The following NTRK2 variants were observed in gnomAD, a reference collection of about 807,000 sequenced individuals.
NTRK2 encodes BDNF/NT-3 growth factors receptor.
A neutral mutation model predicts 94.5 loss-of-function variants in NTRK2; 13 were observed. That is an observed-to-expected ratio of 0.14 (90% CI 0.09 to 0.22). The LOEUF is 0.22. NTRK2 is among the 10% of genes least tolerant of loss of function. The pLI is 1.00. For missense variants in NTRK2, 639 were observed against 1,071.2 expected, an observed-to-expected ratio of 0.60 and a Z score of 5.63; for synonymous variants, 372 against 407.4, an observed-to-expected ratio of 0.91 and a Z score of 1.05.
At chr9:84,800,475 A>G (rs2070286292) in intron 12 of NTRK2, among the ~76,000 whole-genome samples, 1 of 152,232 alleles carries the variant, frequency 6.6e-6, no homozygotes. Context: ...TGCTGGGATT[A>G]CAGATGTGGG....
At chr9:84,909,305 T>C (rs1473465555) in intron 14 of NTRK2, among the ~76,000 whole-genome samples, 1 of 152,182 alleles carries the variant, frequency 6.6e-6, no homozygotes, top group Non-Finnish European at 1.5e-5. Flanking sequence ...GTATCACAGT[T>C]TGTTTAACCA....
intron 9 of NTRK2, among the ~76,000 whole-genome samples, chr9:84,738,805 C>T (rs1051848304): frequency 6.6e-6 from 1 of 152,138 alleles, no homozygotes; most frequent in Non-Finnish European, 1.5e-5. Flanking sequence ...TGTTATAGTT[C>T]GTCTCACATT....
At chr9:84,920,660 C>G (rs2077536966) in intron 14 of NTRK2, among the ~76,000 whole-genome samples, 1 of 152,180 alleles carries the variant, frequency 6.6e-6, no homozygotes, top group African/African-American at 2.4e-5. Context: ...AAGCCATGCC[C>G]CCATCTCCCT....
At chr9:84,926,105 C>A (rs532192972) in intron 14 of NTRK2, among the ~76,000 whole-genome samples, 1 of 130,012 alleles carries the variant, frequency 7.7e-6, no homozygotes, top group Admixed American at 7.7e-5. Flanking sequence ...TCCTTCCTTC[C>A]TTTCCTTCCT....
chr9:84,734,457 ACT>A (rs2063111658), intron 9 of NTRK2, among the ~76,000 whole-genome samples: 1 of 151,924 alleles, frequency 6.6e-6, no homozygotes, highest in African/African-American at 2.4e-5. Context: ...GGATCTTGAG[ACT>A]CTATCATTTT....
At chr9:84,835,110 A>G (rs1001897775) in intron 12 of NTRK2, among the ~76,000 whole-genome samples, 1 of 152,188 alleles carries the variant, frequency 6.6e-6, no homozygotes, top group African/African-American at 2.4e-5. Context: ...GCCTGCCTTA[A>G]CAAAGACTTC....
intron 17 of NTRK2, among the ~76,000 whole-genome samples, chr9:84,992,115 G>A (rs1385805369): frequency 6.6e-6 from 1 of 152,092 alleles, no homozygotes; most frequent in Non-Finnish European, 1.5e-5. Context: ...TCTAGTTGGT[G>A]GATGGTTGTT....
At chr9:84,813,782 C>G (rs998328571) in intron 12 of NTRK2, 1 of 1,066,050 alleles carries the variant, frequency 9.4e-7, no homozygotes, top group East Asian at 5.0e-5. Flanking sequence ...GCTCATGTCT[C>G]TTGGCCCAGT....
At chr9:84,733,628 G>C (rs974830174) in intron 9 of NTRK2, among the ~76,000 whole-genome samples, 1 of 152,150 alleles carries the variant, frequency 6.6e-6, no homozygotes, top group Admixed American at 6.5e-5. Flanking sequence ...TATAAAAGGT[G>C]GAGAAACACT....
chr9:84,991,511 A>G (rs771962299), intron 17 of NTRK2, among the ~76,000 whole-genome samples: 2 of 152,062 alleles, frequency 1.3e-5, no homozygotes, highest in East Asian at 1.9e-4. Context: ...GAAGCTCTCC[A>G]TCTCCAACCA....
chr9:84,682,394 T>C, intron 2 of NTRK2, among the ~76,000 whole-genome samples: 1 of 152,212 alleles, frequency 6.6e-6, no homozygotes, highest in East Asian at 1.9e-4. Flanking sequence ...GAGTGTACCA[T>C]GAATACACTT....
At chr9:84,951,942 G>A (rs2078798165) in intron 16 of NTRK2, among the ~76,000 whole-genome samples, 1 of 152,158 alleles carries the variant, frequency 6.6e-6, no homozygotes, top group African/African-American at 2.4e-5. Flanking sequence ...GCATGGCCAG[G>A]CTCTAAGCTA....
chr9:84,810,908 A>G (rs1189521228), intron 12 of NTRK2: 14 of 1,205,674 alleles, frequency 1.2e-5, no homozygotes, highest in Non-Finnish European at 1.4e-5. Context: ...TCTCTTCTGA[A>G]AAGTGTGCTT....
chr9:85,015,403 A>G (rs775967622), intron 17 of NTRK2, among the ~76,000 whole-genome samples: 1 of 152,234 alleles, frequency 6.6e-6, no homozygotes, highest in Non-Finnish European at 1.5e-5. Context: ...GACTGTTTCC[A>G]TCTGTCTCAT....
At chr9:84,993,797 G>A (rs542617337) in intron 17 of NTRK2, among the ~76,000 whole-genome samples, 2 of 152,176 alleles carry the variant, frequency 1.3e-5, no homozygotes, top group South Asian at 4.2e-4. Flanking sequence ...AACACACTTT[G>A]CACCTCTCCT....
At chr9:84,700,256 G>A (rs2060640911) in intron 2 of NTRK2, among the ~76,000 whole-genome samples, 1 of 152,238 alleles carries the variant, frequency 6.6e-6, no homozygotes, top group African/African-American at 2.4e-5. Flanking sequence ...ATTTAGAAGA[G>A]TGAGGTCACT....
chr9:84,728,269 C>G (rs1019869912), intron 9 of NTRK2, among the ~76,000 whole-genome samples: 3 of 152,148 alleles, frequency 2.0e-5, no homozygotes, highest in Non-Finnish European at 4.4e-5. Flanking sequence ...TGGACTGTCT[C>G]TTCAGCTTAT....
chr9:84,913,491 T>C (rs1401293725), intron 14 of NTRK2, among the ~76,000 whole-genome samples: 1 of 152,170 alleles, frequency 6.6e-6, no homozygotes, highest in African/African-American at 2.4e-5. Context: ...GAAAATGTGT[T>C]GCATGCATTT....
intron 12 of NTRK2, among the ~76,000 whole-genome samples, chr9:84,776,442 G>A (rs1190068359): frequency 2.0e-5 from 3 of 152,214 alleles, no homozygotes; most frequent in South Asian, 2.1e-4. Context: ...GGCTGGTGTC[G>A]AACTCCTGAC....
Sources: gnomAD v4.1 joint callset for allele counts (sites outside exome capture counted in the v4.1 genomes callset) on GRCh38, gnomAD v4.1.1 for gene constraint, MANE v1.5 for transcripts, NCBI Gene and HGNC (gene_info 2026-07-23, HGNC 2026-07-21) for gene names.